NBEA: variants seen among roughly 807,000 people sequenced by gnomAD.
NBEA encodes the protein lysosomal-trafficking regulator 2.
In NBEA, 44 loss-of-function variants were observed where a neutral mutation model predicts 343.4. The ratio of observed to expected loss-of-function variants is 0.13; its 90% confidence interval spans 0.10 to 0.16. The LOEUF (loss-of-function observed/expected upper bound fraction) is 0.16. Among genes scored for constraint, NBEA ranks in the 10% least tolerant of loss-of-function variants. NBEA has a pLI of 1.00. For missense variants in NBEA, 2,555 were observed against 3,631.3 expected, an observed-to-expected ratio of 0.70 and a Z score of 7.62; for synonymous variants, 1,175 against 1,238.7, an observed-to-expected ratio of 0.95 and a Z score of 1.08.
chr13:35,384,902 A>G (rs1594433908), intron 38 of NBEA, among the ~76,000 whole-genome samples: 1 of 152,156 alleles, frequency 6.6e-6, no homozygotes, highest in African/African-American at 2.4e-5. Flanking sequence ...ATGATATTGC[A>G]CCATTCCCAT....
intron 18 of NBEA, among the ~76,000 whole-genome samples, chr13:35,144,006 A>G (rs2068255326): frequency 6.6e-6 from 1 of 152,168 alleles, no homozygotes; most frequent in Non-Finnish European, 1.5e-5. Flanking sequence ...CAGTCCTCAA[A>G]CAGGATAGGT....
rs1311792002 is a variant in NBEA, at chr13:35,443,286, A to T, written c.6305-8806A>T. ...AAATTACGTAAGATGCTGTACTCTGACTTTTATGTAATATAGTCATGTGCT... is the reference window on the plus strand; with the variant it reads ...AAATTACGTAAGATGCTGTACTCTGTCTTTTATGTAATATAGTCATGTGCT... On this transcript the variant is annotated intron_variant, in intron 39 of 58. Transcript: ENST00000379939. Among the ~76,000 whole-genome samples the T allele has an allele frequency of 2.0e-5, 3 of 152,172 alleles. No individual in the cohort carries two copies. In the East Asian group the frequency reaches 5.8e-4, roughly 29 times the overall value.
At chr13:35,045,523 T>C in intron 4 of NBEA, 122 bp downstream of exon 4, 1 of 718,094 alleles carries the variant, frequency 1.4e-6, no homozygotes, top group Non-Finnish European at 2.2e-6. Context: ...AGTTTGGAAG[T>C]CATACAACCA....
chr13:35,465,015 T>C (rs1052631799), intron 40 of NBEA, among the ~76,000 whole-genome samples: 5 of 152,282 alleles, frequency 3.3e-5, no homozygotes, highest in Admixed American at 6.5e-5. Context: ...GTCATAAAAT[T>C]ATGCCATTTA....
At chr13:35,025,183 G>A (rs891857844) in intron 1 of NBEA, among the ~76,000 whole-genome samples, 1 of 152,028 alleles carries the variant, frequency 6.6e-6, no homozygotes, top group Non-Finnish European at 1.5e-5. Context: ...GTTTAATTAA[G>A]TCCCACTTGT....
In NBEA at chr13:35,171,298, A is replaced by G. The variant is rs1224682485; in HGVS notation, c.4269A>G (p.Thr1423=). The G allele has an allele frequency of 6.2e-7, 1 of 1,611,912 alleles. No homozygotes were observed. Among genetic ancestry groups the G allele is most frequent in the Admixed American group, 1.7e-5 (1 of 59,880 alleles). ...CGGAATTGGAAAATATTGAAGTGAC[A>G]CAAGGCATGTCAGCTGAGACAGCAG... The part of the protein sequence containing the change: ...SKTELENIEV[T]QGMSAETAVT... The change falls in exon 26 of 59, where the codon ACA becomes ACG. Residue 1423 remains threonine (T), a synonymous_variant. Transcript: ENST00000379939.
chr13:35,124,120 A>G (rs1219789777), intron 17 of NBEA, among the ~76,000 whole-genome samples: 1 of 152,002 alleles, frequency 6.6e-6, no homozygotes, highest in Non-Finnish European at 1.5e-5. Flanking sequence ...AATGATTGCA[A>G]TTCATGCTAC....
At chr13:35,647,129 A>G (rs1362610870) in intron 51 of NBEA, among the ~76,000 whole-genome samples, 1 of 151,762 alleles carries the variant, frequency 6.6e-6, no homozygotes, top group Non-Finnish European at 1.5e-5. Flanking sequence ...GTCCATTTCC[A>G]TAAAAAAGTT....
intron 4 of NBEA, among the ~76,000 whole-genome samples, 165 bp from the exon 5 acceptor site, chr13:35,048,398 T>C (rs2062940996): frequency 6.6e-6 from 1 of 152,018 alleles, no homozygotes; most frequent in South Asian, 2.1e-4. Context: ...TTAGGTGTAC[T>C]GAGATTGTTT....
chr13:35,359,820 GTGTGTGTGTGTA>G (rs1219338666), intron 38 of NBEA, among the ~76,000 whole-genome samples: 2 of 143,948 alleles, frequency 1.4e-5, no homozygotes. Flanking sequence ...TTTAATAGGT[GTGTGTGTGTGTA>G]TGTGTGTGTG....
intron 34 of NBEA, among the ~76,000 whole-genome samples, chr13:35,281,611 C>T (rs1170050765): frequency 2.6e-5 from 4 of 151,884 alleles, no homozygotes; most frequent in Non-Finnish European, 5.9e-5. Context: ...TCTTTGACTT[C>T]GTGAATATCT....
rs562828841 is a variant in NBEA, at chr13:35,143,907, A to C, written c.2445+1530A>C. Among the ~76,000 whole-genome samples, 624 of 151,698 alleles carry C rather than the reference A, an allele frequency of 4.1e-3. 6 individuals carry two copies. Among genetic ancestry groups the C allele is most frequent in the African/African-American group, 0.014 (586 of 41,160 alleles). ...TGTCCCCTTCAAAAAAAAAAACAAAAAAAAAAACAAAAACAAATTTACACT... is the reference window on the plus strand; with the variant it reads ...TGTCCCCTTCAAAAAAAAAAACAAACAAAAAAACAAAAACAAATTTACACT... On this transcript the variant is annotated intron_variant, in intron 18 of 58. Coordinates refer to ENST00000379939, the MANE Select transcript of NBEA (RefSeq NM_001385012.1).
intron 1 of NBEA, among the ~76,000 whole-genome samples, chr13:34,949,703 T>C (rs1201490818): frequency 1.3e-5 from 2 of 152,220 alleles, no homozygotes; most frequent in African/African-American, 4.8e-5. Context: ...TGTTTCTTAA[T>C]GTTCTTTTAC....
intron 1 of NBEA, among the ~76,000 whole-genome samples, chr13:35,008,960 T>G (rs902268198): frequency 1.3e-5 from 2 of 152,226 alleles, no homozygotes; most frequent in African/African-American, 4.8e-5. Context: ...GCATTTATCT[T>G]GAGAGGGAAA....
At chr13:35,040,102 C>G (rs913223933) in intron 1 of NBEA, among the ~76,000 whole-genome samples, 4 of 152,056 alleles carry the variant, frequency 2.6e-5, no homozygotes, top group African/African-American at 9.7e-5. Flanking sequence ...ATTCCTAAAT[C>G]TTATCGTTCT....
chr13:35,277,309 A>G (rs1229102643), intron 34 of NBEA, among the ~76,000 whole-genome samples: 3 of 152,080 alleles, frequency 2.0e-5, no homozygotes, highest in African/African-American at 7.2e-5. Flanking sequence ...AAAAACTCAT[A>G]TTTGTTCATG....
intron 13 of NBEA, among the ~76,000 whole-genome samples, chr13:35,113,422 A>C (rs961980461): frequency 2.6e-5 from 4 of 152,158 alleles, no homozygotes; most frequent in East Asian, 3.9e-4. Flanking sequence ...CATTGAAACT[A>C]TATAAATAGC....
rs116981575 is a variant in NBEA at position 35,306,830 on chromosome 13, A to G, written c.5839-2698A>G. On this transcript the variant is annotated intron_variant, in intron 35 of 58. Transcript: ENST00000379939. ...TCCCTTTCTATTGCCTCTTTTTGCAATCTTAAAAATGTGAATCCTTTCCAG... is the reference window on the plus strand; with the variant it reads ...TCCCTTTCTATTGCCTCTTTTTGCAGTCTTAAAAATGTGAATCCTTTCCAG... Among the ~76,000 whole-genome samples the G allele has an allele frequency of 3.6e-4, 55 of 152,010 alleles. No homozygotes were observed. The East Asian group carries it at 7.4e-3, about 20-fold the overall frequency.
chr13:35,641,544 TAA>T (rs1203649627), intron 49 of NBEA, among the ~76,000 whole-genome samples: 1 of 152,006 alleles, frequency 6.6e-6, no homozygotes, highest in Non-Finnish European at 1.5e-5. Context: ...CTTGCAGACA[TAA>T]AGTTGATCAA....
Sources: allele counts gnomAD v4.1 joint callset (sites outside exome capture counted in the v4.1 genomes callset), GRCh38; gene constraint gnomAD v4.1.1; transcripts MANE v1.5; gene names NCBI Gene and HGNC (gene_info 2026-07-23, HGNC 2026-07-21).